The following SIN3A variants were observed in gnomAD, a reference collection of about 807,000 sequenced individuals.
SIN3A encodes paired amphipathic helix protein Sin3a.
A neutral mutation model predicts 146.1 loss-of-function variants in SIN3A; 14 were observed. The ratio of observed to expected loss-of-function variants is 0.10; its 90% CI spans 0.06 to 0.15. The LOEUF is 0.15. Ranked by LOEUF, SIN3A falls within the 10% of genes least tolerant of loss-of-function variation. The pLI, the probability that SIN3A is intolerant of heterozygous loss-of-function variation, is 1.00. For synonymous variants in SIN3A, 572 were observed against 572.0 expected, an observed-to-expected ratio of 1.00 and a Z score of 0.00; for missense variants, 1,028 against 1,576.0, an observed-to-expected ratio of 0.65 and a Z score of 5.89.
At chr15:75,411,151 A>T (rs2073631008) in intron 6 of SIN3A, among the ~76,000 whole-genome samples, 1 of 152,160 alleles carries the variant, frequency 6.6e-6, no homozygotes, top group Non-Finnish European at 1.5e-5. Flanking sequence ...ACATAGTGAA[A>T]TCCCATTTCT....
chr15:75,375,764 C>T lies in SIN3A; in HGVS notation c.3492G>A (p.Lys1164=), dbSNP rs2141368676. Residue 1164 remains lysine (K), a synonymous_variant, in exon 20 of 21, where the codon AAG becomes AAA. Coordinates refer to ENST00000394947, the MANE Select transcript of SIN3A (RefSeq NM_001145358.2). The part of the protein sequence containing the change: ...KTMENVDSLD[K]LECRFKLNSY... ...AATTCAGCTTGAATCTACACTCCAGCTTATCCAGACTATCCACATTCTCCA... is the reference window on the plus strand; with the variant it reads ...AATTCAGCTTGAATCTACACTCCAGTTTATCCAGACTATCCACATTCTCCA... 2 of 1,614,190 alleles carry T rather than the reference C, an allele frequency of 1.2e-6. No individual in the cohort carries two copies. Among genetic ancestry groups the T allele is most frequent in the South Asian group, 2.2e-5 (2 of 91,082 alleles).
In SIN3A at chr15:75,407,138, G is replaced by A. The variant is rs753619631; in HGVS notation, c.1324C>T (p.Pro442Ser). 9 of 1,606,622 alleles carry A rather than the reference G, an allele frequency of 5.6e-6. No homozygotes were observed. In the African/African-American group the frequency reaches 8.0e-5, roughly 14 times the overall value. The change falls in exon 9 of 21, where the codon CCC becomes TCC. Residue 442 changes from proline to serine, a missense_variant. Physicochemically the swap from Pro to Ser is moderately conservative, Grantham distance 74. Around this residue, in one of 9 missense-constraint regions of SIN3A, gnomAD observed 62 missense variants for 63.5 expected, o/e 0.98. Transcript: ENST00000394947. ...GAATCCTTCAGATTGAGCAGTTTGG[G>A]TTTCTTCTGCAAAAGAAAGATACAA... ...TGTTPPVKKK[P>S]KLLNLKDSSM...
intron 1 of SIN3A, among the ~76,000 whole-genome samples, chr15:75,439,567 G>C (rs113081400): frequency 2.0e-5 from 3 of 149,720 alleles, no homozygotes; most frequent in African/African-American, 7.3e-5. Flanking sequence ...GGATGGTCTC[G>C]ATCTCCTGAC....
chr15:75,371,840 C>A lies in SIN3A; in HGVS notation c.*139G>T. On this transcript the variant is annotated 3_prime_UTR_variant, in exon 21 of 21. Coordinates refer to ENST00000394947, the MANE Select transcript of SIN3A (RefSeq NM_001145358.2). ...ACTTGGTGCCAGGCTGCACCAGCCA[C>A]ACACAGGTCAGGTGGCCATGTCCCA... 1.4e-6 allele frequency: 1 copy of A among 712,972 alleles called. No individual in the cohort carries two copies. Among genetic ancestry groups the A allele is most frequent in the Non-Finnish European group, 2.4e-6 (1 of 420,302 alleles). The allele number at this position is 712,972 out of a possible 1,614,324, so 44.2% of individuals were successfully genotyped here.
chr15:75,452,389 A>G (rs1340250502), upstream of SIN3A, among the ~76,000 whole-genome samples: 1 of 152,230 alleles, frequency 6.6e-6, no homozygotes, highest in Non-Finnish European at 1.5e-5. Context: ...GAGACTCCAC[A>G]TCCTAGGATT....
Position 75,396,385 on chromosome 15 carries a change from T to C in SIN3A, c.1966A>G (p.Thr656Ala). Residue 656 changes from threonine to alanine, a missense_variant, in exon 13 of 21, where the codon ACC (threonine) becomes GCC (alanine). Thr to Ala is a moderately conservative substitution (Grantham distance 58, BLOSUM62 0). Around this residue, in one of 9 missense-constraint regions of SIN3A, gnomAD observed 157 missense variants for 284.8 expected, o/e 0.55. Transcript: ENST00000394947. The stretch of plus-strand genomic sequence containing the variant: ...ATGACTTCTGATGTGCCCCCAAGGG[T>C]GTTGTCCAAGCGAAATTTGGCTTGT... ...EEQAKFRLDN[T>A]LGGTSEVIHR... 6.2e-7 allele frequency: 1 copy of C among 1,614,116 alleles called. No individual in the cohort carries two copies. The highest frequency in any genetic ancestry group is 2.2e-5 in the East Asian group (1 of 44,878).
chr15:75,399,619 G>A (rs2073374067), intron 12 of SIN3A, among the ~76,000 whole-genome samples: 1 of 152,210 alleles, frequency 6.6e-6, no homozygotes, highest in Non-Finnish European at 1.5e-5. Context: ...AGTTCTCAGA[G>A]CTGGTTTGCT....
At chr15:75,401,542 AAAT>A (rs1417483977) in intron 10 of SIN3A, among the ~76,000 whole-genome samples, 1 of 152,092 alleles carries the variant, frequency 6.6e-6, no homozygotes, top group Non-Finnish European at 1.5e-5. Context: ...CTCAAAAAAA[AAAT>A]AATAATAATA....
chr15:75,438,192 CTT>C lies in SIN3A; in HGVS notation c.-33-7786_-33-7785del, dbSNP rs549312170. On this transcript the variant is annotated intron_variant, in intron 1 of 20. Transcript: ENST00000394947. ...CCTGGCCAACATGGCGAAACTCTGT[CTT>C]TACTAAAGCACGAAAAACAAATTAG... Among the ~76,000 whole-genome samples the C allele has an allele frequency of 3.0e-3, 461 of 152,238 alleles. 3 individuals carry two copies. Among genetic ancestry groups the C allele is most frequent in the African/African-American group, 0.01 (433 of 41,548 alleles).
intron 5 of SIN3A, among the ~76,000 whole-genome samples, 160 bp downstream of exon 5, chr15:75,412,603 T>C (rs1265242400): frequency 6.6e-6 from 1 of 152,268 alleles, no homozygotes; most frequent in Non-Finnish European, 1.5e-5. Flanking sequence ...TGTGTAAATG[T>C]GAACCATGTC....
intron 1 of SIN3A, among the ~76,000 whole-genome samples, chr15:75,438,943 A>C (rs1184269807): frequency 6.6e-6 from 1 of 152,208 alleles, no homozygotes; most frequent in African/African-American, 2.4e-5. Context: ...CTAAGAAAGA[A>C]TCTATTACAG....
chr15:75,438,905 C>T (rs921517722), intron 1 of SIN3A, among the ~76,000 whole-genome samples: 2 of 152,024 alleles, frequency 1.3e-5, no homozygotes, highest in South Asian at 2.1e-4. Context: ...AAAATTTGTC[C>T]AAAAGTCCAC....
intron 10 of SIN3A, 95 bp downstream of exon 10, chr15:75,401,757 A>T (rs2073415571): frequency 2.6e-6 from 2 of 765,162 alleles, no homozygotes; most frequent in African/African-American, 3.5e-5. Flanking sequence ...GATGTATCTC[A>T]AGTAAATTAA....
At position 75,403,426 on chromosome 15, in the gene SIN3A, G is replaced by A. The variant is rs536213650; in HGVS notation, c.1408-1456C>T. On this transcript the variant is annotated intron_variant, in intron 9 of 20. Transcript: ENST00000394947. ...GCTTGGGCAATAAGAGCGAAACTCCGTCTCAAAAAAAAAATACCATAATAA... is the reference window on the plus strand; with the variant it reads ...GCTTGGGCAATAAGAGCGAAACTCCATCTCAAAAAAAAAATACCATAATAA... Among the ~76,000 whole-genome samples the A allele has an allele frequency of 8.6e-5, 13 of 150,672 alleles. 1 individual carries two copies. The East Asian group carries it at 9.9e-4, about 11-fold the overall frequency.
intron 16 of SIN3A, among the ~76,000 whole-genome samples, chr15:75,386,707 C>G (rs927239398): frequency 2.6e-5 from 4 of 152,196 alleles, no homozygotes; most frequent in African/African-American, 9.7e-5. Flanking sequence ...AGAGAAAAAT[C>G]ACCTCCCAGC....
At chr15:75,388,852 A>C (rs563392123) in intron 16 of SIN3A, 1 of 152,584 alleles carries the variant, frequency 6.6e-6, no homozygotes, top group African/African-American at 2.4e-5. Context: ...ACTTGCAGTC[A>C]ATCAGCAGTA....
intron 14 of SIN3A, among the ~76,000 whole-genome samples, 177 bp downstream of exon 14, chr15:75,394,503 A>G (rs2073267760): frequency 6.6e-6 from 1 of 152,228 alleles, no homozygotes; most frequent in Non-Finnish European, 1.5e-5. Flanking sequence ...GTATAAAGGT[A>G]TAGTTTAGAT....
intron 13 of SIN3A, among the ~76,000 whole-genome samples, chr15:75,395,707 T>A (rs2073289062): frequency 6.6e-6 from 1 of 151,898 alleles, no homozygotes; most frequent in Admixed American, 6.6e-5. Context: ...GAGGCCAGCC[T>A]GGGAAATATA....
Position 75,403,571 on chromosome 15 carries a change from A to T in SIN3A, c.1408-1601T>A, listed in dbSNP as rs184732655. The stretch of plus-strand genomic sequence containing the variant: ...TTTTTTTTTTTTGAGACCGAGTTTC[A>T]CTATTGTTGTCCTGGCTGGAGTGCA... On this transcript the variant is annotated intron_variant, in intron 9 of 20. Coordinates refer to ENST00000394947, the MANE Select transcript of SIN3A (RefSeq NM_001145358.2). Among the ~76,000 whole-genome samples the T allele has an allele frequency of 1.8e-3, 262 of 146,038 alleles. 3 individuals are homozygous for T. Among genetic ancestry groups the T allele is most frequent in the East Asian group, 1.6e-3 (8 of 4,932 alleles).
Sources: allele counts gnomAD v4.1 joint callset (sites outside exome capture counted in the v4.1 genomes callset), GRCh38; gene constraint gnomAD v4.1.1; regional missense constraint gnomAD v4.1.1; transcripts MANE v1.5; gene names NCBI Gene and HGNC (gene_info 2026-07-23, HGNC 2026-07-21).